The following LSP1 variants were observed in gnomAD, a reference collection of about 807,000 sequenced individuals.
LSP1 encodes lymphocyte specific protein 1.
Under a neutral mutation model 49.3 loss-of-function variants are expected in LSP1, and 32 were observed. The ratio of observed to expected loss-of-function variants is 0.65; its 90% CI spans 0.49 to 0.87. The LOEUF is 0.87. Ranked by LOEUF, LSP1 falls within the 40% of genes least tolerant of loss-of-function variation. LSP1 has a pLI of 0.00. For missense variants in LSP1, 428 were observed against 442.6 expected (o/e 0.97, Z 0.30); for synonymous variants, 179 against 178.8 (o/e 1.00, Z -0.01).
chr11:1,889,919 C>G (rs972296296), intron 10 of LSP1: 1 of 627,710 alleles, frequency 1.6e-6, no homozygotes, highest in African/African-American at 1.8e-5. Flanking sequence ...CCACTGGGAC[C>G]AGGGGCTGGG....
intron 1 of LSP1, among the ~76,000 whole-genome samples, chr11:1,867,822 C>T (rs1318429509): frequency 6.6e-6 from 1 of 151,800 alleles, no homozygotes; most frequent in Non-Finnish European, 1.5e-5. Flanking sequence ...CCCCCTGCCC[C>T]GTCGCCCCCC....
intron 1 of LSP1, chr11:1,871,078 G>A (rs1166201586): frequency 1.0e-6 from 1 of 985,572 alleles, no homozygotes; most frequent in South Asian, 4.7e-5. Flanking sequence ...GACGCTGATC[G>A]CGGAGTGCAG....
chr11:1,882,566 C>T (rs1848588766), intron 3 of LSP1, among the ~76,000 whole-genome samples: 1 of 152,126 alleles, frequency 6.6e-6, no homozygotes, highest in Non-Finnish European at 1.5e-5. Flanking sequence ...TGAGATGGGG[C>T]AGCTCCCTTC....
rs758502606 is a variant in LSP1 at position 1,853,189 on chromosome 11, G to A, written c.45G>A (p.Glu15=). Reference sequence around the variant, plus strand: ...ACCCGGGTGCCGAGGAGCGGGAAGAGTTGCTGGGGTAAGGGTCTGCGGCGA... The same window carrying A: ...ACCCGGGTGCCGAGGAGCGGGAAGAATTGCTGGGGTAAGGGTCTGCGGCGA... ...SSDPGAEERE[E]LLGPTAQWSV... is the part of the protein sequence containing the mutation. Residue 15 remains glutamate (E), a synonymous_variant, in exon 1 of 11, where the codon GAG becomes GAA. Transcript: ENST00000311604. The A allele has an allele frequency of 5.6e-6, 9 of 1,610,782 alleles. No individual in the cohort carries two copies. In the Admixed American group the frequency reaches 8.4e-5, roughly 15 times the overall value.
In LSP1 at chr11:1,884,102, C is replaced by A; in HGVS notation, c.591+78C>A. The A allele has an allele frequency of 6.7e-7, 1 of 1,488,510 alleles. No homozygotes were observed. Among genetic ancestry groups the A allele is most frequent in the Non-Finnish European group, 9.3e-7 (1 of 1,079,416 alleles). 92.2% of individuals were successfully genotyped at this position (1,488,510 alleles called of 1,614,324 possible). A position where few individuals can be genotyped will look rare whatever the true frequency, so the allele number is the denominator to read the frequency against. On this transcript the variant is annotated intron_variant, in intron 5 of 10. Coordinates refer to ENST00000311604, the MANE Select transcript of LSP1 (RefSeq NM_002339.3). This position sits in a 1 kb window ranked among gnomAD's most constrained non-coding sequence, Gnocchi z 4.1. The stretch of plus-strand genomic sequence containing the variant: ...CAAAAGGCCAATCCCACATGCCAGC[C>A]ACAGGAAGACCAGGCCCAGGCCTGG...
intron 1 of LSP1, chr11:1,859,500 C>A (rs75966923): frequency 0.039 from 6,084 of 154,748 alleles, 126 homozygotes; most frequent in Non-Finnish European, 0.047. Flanking sequence ...GTTTCTGAGG[C>A]AAGGCTGCCT....
chr11:1,860,249 GGATGGATGGATGGATAATTGAAT>G (rs1353896001), intron 1 of LSP1, among the ~76,000 whole-genome samples: 1 of 133,892 alleles, frequency 7.5e-6, no homozygotes, highest in Non-Finnish European at 1.6e-5. Context: ...ACAAATGGAT[GGATGGATGGATGGATAATTGAAT>G]GATGGATGGA....
intron 10 of LSP1, among the ~76,000 whole-genome samples, chr11:1,887,876 G>C (rs1848824171): frequency 6.6e-6 from 1 of 152,204 alleles, no homozygotes; most frequent in Admixed American, 6.5e-5. Flanking sequence ...GGGCTCGTGA[G>C]GGAAGTGAGG....
At chr11:1,862,759 A>G (rs61868768) in intron 1 of LSP1, among the ~76,000 whole-genome samples, 20 of 144,746 alleles carry the variant, frequency 1.4e-4, no homozygotes, top group African/African-American at 3.9e-4. Context: ...TCCCCTAGGT[A>G]ATCTCGCCTC....
chr11:1,889,277 C>A (rs1478565651), intron 10 of LSP1: 1 of 695,780 alleles, frequency 1.4e-6, no homozygotes, highest in South Asian at 1.5e-5. Flanking sequence ...GAGGCCGGTA[C>A]AGGAAGGGCA....
chr11:1,879,998 C>T (rs1442027483), intron 1 of LSP1, 89 bp from the exon 2 acceptor site: 1 of 1,512,104 alleles, frequency 6.6e-7, no homozygotes, highest in Non-Finnish European at 9.0e-7. Flanking sequence ...CCGTGTGGCC[C>T]CAGCAAGGCC....
chr11:1,853,600 G>C (rs1450127302), intron 1 of LSP1, among the ~76,000 whole-genome samples: 1 of 152,206 alleles, frequency 6.6e-6, no homozygotes, highest in Non-Finnish European at 1.5e-5. Context: ...GGGATGGGTG[G>C]AACTGGCCCG....
chr11:1,884,285 C>T lies in LSP1; in HGVS notation c.597C>T (p.Ile199=), dbSNP rs768625571. The change falls in exon 6 of 11, where the codon ATC becomes ATT. Residue 199 remains isoleucine, a synonymous_variant. Transcript: ENST00000311604. The surrounding 1 kb of genome is among the most constrained non-coding windows in gnomAD (Gnocchi z 4.1). Reference sequence around the variant, plus strand: ...TCTCTCTCCACCCTCTGCAGCTCATCGACAGGACCGAGTCCCTAAACCGCT... The same window carrying T: ...TCTCTCTCCACCCTCTGCAGCTCATTGACAGGACCGAGTCCCTAAACCGCT... ...SPPLSPTTKL[I]DRTESLNRSI... 11 of 1,613,950 alleles carry T rather than the reference C, an allele frequency of 6.8e-6. No homozygotes were observed. Among genetic ancestry groups the T allele is most frequent in the East Asian group, 2.2e-5 (1 of 44,886 alleles).
In LSP1 at chr11:1,884,603, C is replaced by T. The variant is rs1237213226; in HGVS notation, c.717+22C>T. The T allele has an allele frequency of 1.4e-5, 22 of 1,597,978 alleles. No homozygotes were observed. The highest frequency in any genetic ancestry group is 1.8e-5 in the Non-Finnish European group (21 of 1,165,594). ...CGAGGTATGACCTGGCTCCCCTCTGCTGTCAGGTCCCTCCTGCATCCTGGC... is the reference window on the plus strand; with the variant it reads ...CGAGGTATGACCTGGCTCCCCTCTGTTGTCAGGTCCCTCCTGCATCCTGGC... On this transcript the variant is annotated intron_variant, in intron 7 of 10. Transcript: ENST00000311604. The surrounding 1 kb of genome is among the most constrained non-coding windows in gnomAD (Gnocchi z 4.1).
chr11:1,864,563 GGA>G (rs1253264031), intron 1 of LSP1, among the ~76,000 whole-genome samples: 1 of 152,064 alleles, frequency 6.6e-6, no homozygotes, highest in Non-Finnish European at 1.5e-5. Flanking sequence ...TGCTGGGCTG[GGA>G]GAGTTTTCGC....
chr11:1,864,834 C>T (rs549718752), intron 1 of LSP1, among the ~76,000 whole-genome samples: 8 of 151,732 alleles, frequency 5.3e-5, no homozygotes, highest in Admixed American at 2.0e-4. Context: ...GACCCCTGTG[C>T]CAGGTGCCAG....
At chr11:1,880,291 G>C in intron 2 of LSP1, 67 bp downstream of exon 2, 2 of 1,461,098 alleles carry the variant, frequency 1.4e-6, no homozygotes, top group Non-Finnish European at 1.8e-6. Context: ...CCTGGGCAGA[G>C]GGGGAGGTCA....
chr11:1,874,795 AG>A (rs1483078070), intron 1 of LSP1, among the ~76,000 whole-genome samples: 2 of 152,070 alleles, frequency 1.3e-5, no homozygotes, highest in African/African-American at 4.8e-5. Flanking sequence ...AGAAGCACCT[AG>A]GGGGTCCCTC....
At chr11:1,890,660 T>C (rs629781) in intron 10 of LSP1, 632,082 of 651,974 alleles carry the variant, frequency 0.97, 306,452 homozygotes, top group East Asian at 1. Flanking sequence ...CTGTGTCTCC[T>C]GTGGTCCAAG....
Sources: gnomAD v4.1 joint callset for allele counts (sites outside exome capture counted in the v4.1 genomes callset) on GRCh38, gnomAD v4.1.1 for gene constraint, Gnocchi (gnomAD v3.1) non-coding constraint, MANE v1.5 for transcripts, NCBI Gene and HGNC (gene_info 2026-07-23, HGNC 2026-07-21) for gene names.